The following VPS13B variants were observed in gnomAD, a reference collection of about 807,000 sequenced individuals.
The protein encoded by VPS13B is vacuolar protein sorting 13 homolog B.
VPS13B carries 285 observed loss-of-function variants against 426.4 expected under a neutral mutation model. The observed-to-expected ratio is 0.67, with a 90% CI of 0.61 to 0.74. The LOEUF (loss-of-function observed/expected upper bound fraction) is 0.74. Ranked by LOEUF, VPS13B falls within the 30% of genes least tolerant of loss-of-function variation. VPS13B has a pLI of 0.00. For synonymous variants in VPS13B, 1,676 were observed against 1,676.4 expected (o/e 1.00, Z 0.01); for missense variants, 4,537 against 4,782.6 (o/e 0.95, Z 1.51).
chr8:99,113,611 C>G (rs948825498), intron 6 of VPS13B, among the ~76,000 whole-genome samples: 1 of 152,156 alleles, frequency 6.6e-6, no homozygotes, highest in Admixed American at 6.5e-5. Flanking sequence ...GTTGACCAGG[C>G]TGGAGTGCAA....
chr8:99,627,419 T>C (rs1044863752), intron 33 of VPS13B, among the ~76,000 whole-genome samples: 1 of 152,130 alleles, frequency 6.6e-6, no homozygotes, highest in Non-Finnish European at 1.5e-5. Context: ...TTTTATTTTA[T>C]TTATTTATTT....
intron 2 of VPS13B, among the ~76,000 whole-genome samples, chr8:99,026,761 T>C (rs1842159098): frequency 6.6e-6 from 1 of 152,252 alleles, no homozygotes. Context: ...TAAGGATAAC[T>C]ACTCCTATTC....
chr8:99,833,797 AGC>A (rs1447733950), intron 52 of VPS13B, among the ~76,000 whole-genome samples: 3 of 152,264 alleles, frequency 2.0e-5, no homozygotes, highest in Non-Finnish European at 4.4e-5. Flanking sequence ...ATAAATACTA[AGC>A]TAGATATTGG....
At chr8:99,507,812 CTTCCT>C in intron 28 of VPS13B, 1 of 1,614,008 alleles carries the variant, frequency 6.2e-7, no homozygotes, top group Non-Finnish European at 8.5e-7. Flanking sequence ...GTGGAGGTGT[CTTCCT>C]TTCCTGTACT....
intron 42 of VPS13B, among the ~76,000 whole-genome samples, chr8:99,781,289 A>G (rs1386125445): frequency 6.6e-6 from 1 of 152,202 alleles, no homozygotes; most frequent in Non-Finnish European, 1.5e-5. Flanking sequence ...TCACTTTCCC[A>G]GATTTGGACA....
chr8:99,798,066 C>T (rs1257066393), intron 43 of VPS13B, among the ~76,000 whole-genome samples: 1 of 151,986 alleles, frequency 6.6e-6, no homozygotes, highest in Non-Finnish European at 1.5e-5. Context: ...ATTAAGATAG[C>T]TAAAATCAAC....
At chr8:99,640,021 AT>A (rs1829259605) in intron 33 of VPS13B, among the ~76,000 whole-genome samples, 1 of 124,110 alleles carries the variant, frequency 8.1e-6, no homozygotes, top group Admixed American at 9.2e-5. Context: ...AATAATAATA[AT>A]AATAAGAAGA....
At position 99,502,143 on chromosome 8, in the gene VPS13B, C is replaced by T. The variant is rs149905388; in HGVS notation, c.4042+285C>T. Among the ~76,000 whole-genome samples the T allele has an allele frequency of 5.9e-3, 904 of 152,088 alleles. 12 individuals are homozygous for T. Among genetic ancestry groups the T allele is most frequent in the African/African-American group, 0.02 (820 of 41,448 alleles). ...GAGATTACAGGCGTGCACCACGACA[C>T]CCAGCTAATTTTGTATTTTTAGTAG... On this transcript the variant is annotated intron_variant, in intron 26 of 61. Coordinates refer to ENST00000357162, the MANE Select transcript of VPS13B (RefSeq NM_152564.5).
At chr8:99,236,871 C>A in intron 17 of VPS13B, among the ~76,000 whole-genome samples, 1 of 152,266 alleles carries the variant, frequency 6.6e-6, no homozygotes, top group East Asian at 1.9e-4. Context: ...AAAGTAGTTT[C>A]AAAAATTCCA....
At chr8:99,863,712 G>C (rs115153344) in intron 58 of VPS13B, among the ~76,000 whole-genome samples, 2 of 152,188 alleles carry the variant, frequency 1.3e-5, no homozygotes, top group Non-Finnish European at 2.9e-5. Flanking sequence ...CCTGTTGACC[G>C]GGTAAGTCAT....
At chr8:99,109,472 C>G (rs950111480) in intron 5 of VPS13B, among the ~76,000 whole-genome samples, 6 of 151,578 alleles carry the variant, frequency 4.0e-5, no homozygotes, top group African/African-American at 1.5e-4. Context: ...CAAGCTCCAC[C>G]CCTGGGTTCA....
chr8:99,696,272 G>C (rs1474714719), intron 35 of VPS13B: 1 of 193,224 alleles, frequency 5.2e-6, no homozygotes, highest in Non-Finnish European at 1.1e-5. Flanking sequence ...TGAGGAAGGC[G>C]GCCAAGTGTA....
intron 4 of VPS13B, among the ~76,000 whole-genome samples, chr8:99,101,176 G>A (rs1846719512): frequency 6.6e-6 from 1 of 152,132 alleles, no homozygotes; most frequent in Non-Finnish European, 1.5e-5. Flanking sequence ...CTGTCGCCCA[G>A]GCTGGAGTGC....
At chr8:99,445,322 G>A (rs1359755172) in intron 23 of VPS13B, among the ~76,000 whole-genome samples, 7 of 149,294 alleles carry the variant, frequency 4.7e-5, no homozygotes, top group Admixed American at 1.3e-4. Context: ...AAAATTACCC[G>A]GTTGTGGTGG....
At position 99,100,838 on chromosome 8, in the gene VPS13B, C is replaced by T. The variant is rs947634541; in HGVS notation, c.413-2115C>T. On this transcript the variant is annotated intron_variant, in intron 4 of 61. Coordinates refer to ENST00000357162, the MANE Select transcript of VPS13B (RefSeq NM_152564.5). ...AGGGCGGATCACGAGGTCAGGAGTTCGAGACCAGCCTGACCAACATGGTGA... is the reference window on the plus strand; with the variant it reads ...AGGGCGGATCACGAGGTCAGGAGTTTGAGACCAGCCTGACCAACATGGTGA... Among the ~76,000 whole-genome samples, 23 of 151,706 alleles carry T rather than the reference C, an allele frequency of 1.5e-4. 1 individual carries two copies. Among genetic ancestry groups the T allele is most frequent in the African/African-American group, 4.6e-4 (19 of 41,328 alleles).
At chr8:99,536,244 C>T (rs557929187) in intron 30 of VPS13B, among the ~76,000 whole-genome samples, 4 of 152,162 alleles carry the variant, frequency 2.6e-5, no homozygotes, top group South Asian at 2.1e-4. Flanking sequence ...CCACCGTGCC[C>T]GGCCTGATTT....
At chr8:99,647,141 A>C (rs1829609772) in intron 34 of VPS13B, among the ~76,000 whole-genome samples, 1 of 152,212 alleles carries the variant, frequency 6.6e-6, no homozygotes, top group Non-Finnish European at 1.5e-5. Context: ...TATTAAAAAA[A>C]AATCCTAGCA....
intron 27 of VPS13B, 119 bp downstream of exon 27, chr8:99,503,069 C>T (rs540082402): frequency 3.4e-5 from 24 of 702,370 alleles, no homozygotes; most frequent in Middle Eastern, 4.0e-4. Context: ...AGGCATACCT[C>T]GGACATATTG....
At chr8:99,719,452 G>A (rs565263549) in intron 37 of VPS13B, among the ~76,000 whole-genome samples, 4 of 152,104 alleles carry the variant, frequency 2.6e-5, no homozygotes, top group Non-Finnish European at 5.9e-5. Context: ...TTTCTGAGAT[G>A]CCTTAATTCC....
Sources: allele counts gnomAD v4.1 joint callset (sites outside exome capture counted in the v4.1 genomes callset), GRCh38; gene constraint gnomAD v4.1.1; transcripts MANE v1.5; gene names NCBI Gene and HGNC (gene_info 2026-07-23, HGNC 2026-07-21).